Variants in ADGRG4 observed in about 807,000 individuals in gnomAD.
ADGRG4 encodes adhesion G protein-coupled receptor G4.
In ADGRG4, 122 loss-of-function variants were observed where a neutral mutation model predicts 126.2. The observed-to-expected ratio is 0.97, with a 90% CI of 0.83 to 1.12. The LOEUF is 1.12. Among genes scored for constraint, ADGRG4 ranks in the 50% most tolerant of loss-of-function variants. The probability of loss-of-function intolerance (pLI) is 0.00; values close to 1 mark genes in which losing one functional copy is unlikely to be tolerated. For missense variants in ADGRG4, 2,481 were observed against 2,251.8 expected, an observed-to-expected ratio of 1.10 and a Z score of -2.06; for synonymous variants, 943 against 838.7, an observed-to-expected ratio of 1.12 and a Z score of -2.15.
At chrX:136,301,511 T>C (rs1017202997) in intron 1 of ADGRG4, among the ~76,000 whole-genome samples, 3 of 112,117 alleles carry the variant, frequency 2.7e-5, no homozygotes, top group East Asian at 2.8e-4. Context: ...GGGTAGATTG[T>C]AAAAATTTTC....
At chrX:136,330,918 G>C (rs1202334010) in intron 5 of ADGRG4, among the ~76,000 whole-genome samples, 1 of 110,690 alleles carries the variant, frequency 9.0e-6, no homozygotes, top group African/African-American at 3.3e-5. Flanking sequence ...TCTAATAGTA[G>C]GTCTTAATAG....
rs1347481779 is a variant in ADGRG4, at chrX:136,399,206, A to G, written c.8307-642A>G. Among the ~76,000 whole-genome samples, 4 of 111,957 alleles carry G rather than the reference A, an allele frequency of 3.6e-5. No individual in the cohort carries two copies. The East Asian group carries it at 8.4e-4, about 23-fold the overall frequency. On this transcript the variant is annotated intron_variant, in intron 20 of 25. Coordinates refer to ENST00000394143, the MANE Select transcript of ADGRG4 (RefSeq NM_153834.4). ...CTCTTGATCTGTGTCGAAGTTCCAC[A>G]GGTATATACATATGTAAAGATCCAT...
chrX:136,345,896 A>G lies in ADGRG4; in HGVS notation c.2190A>G (p.Lys730=), dbSNP rs757675537. Reference sequence around the variant, plus strand: ...CCAGATATACAACAGCTGTATCCAAATTGACATCACCATGGTTTGCTAATT... The same window carrying G: ...CCAGATATACAACAGCTGTATCCAAGTTGACATCACCATGGTTTGCTAATT... ...TTARYTTAVS[K]LTSPWFANFS... is the part of the protein sequence containing the mutation. The change falls in exon 6 of 26, where the codon AAA becomes AAG. Residue 730 remains lysine, a synonymous_variant. Transcript: ENST00000394143. 9.1e-6 allele frequency: 11 copies of G among 1,210,005 alleles called. No homozygotes were observed. The Admixed American group carries it at 2.4e-4, about 26-fold the overall frequency.
rs759391920 is a variant in ADGRG4, at chrX:136,349,826, A to T, written c.6120A>T (p.Ser2040=). The T allele has an allele frequency of 8.3e-7, 1 of 1,210,526 alleles. No individual in the cohort carries two copies. The highest frequency in any genetic ancestry group is 1.1e-6 in the Non-Finnish European group (1 of 894,864). The change falls in exon 6 of 26, where the codon TCA becomes TCT. Residue 2040 remains serine, a synonymous_variant. Transcript: ENST00000394143. ...CCTCTACAGTAGAGGTGTCAAAATCAACATTTCTGACATCTGACATGATAT... is the reference window on the plus strand; with the variant it reads ...CCTCTACAGTAGAGGTGTCAAAATCTACATTTCTGACATCTGACATGATAT... ...MTSSTVEVSK[S]TFLTSDMISA...
intron 7 of ADGRG4, among the ~76,000 whole-genome samples, chrX:136,351,844 T>A (rs1039420859): frequency 9.0e-6 from 1 of 111,176 alleles, no homozygotes; most frequent in African/African-American, 3.3e-5. Context: ...TTTGCCAAAT[T>A]TTCCTATTTG....
rs368138046 is a variant in ADGRG4 at position 136,356,071 on chromosome X, G to A, written c.6888-55G>A. 5.0e-5 allele frequency: 46 copies of A among 927,143 alleles called. No individual in the cohort carries two copies. The African/African-American group carries it at 7.7e-4, about 15-fold the overall frequency. 76.4% of individuals were successfully genotyped at this position (927,143 alleles called of 1,213,427 possible). A position where few individuals can be genotyped will look rare whatever the true frequency, so the allele number is the denominator to read the frequency against. On this transcript the variant is annotated intron_variant, in intron 8 of 25. Transcript: ENST00000394143. The stretch of plus-strand genomic sequence containing the variant: ...TGCCTTTCTCCTGATCTCATGCCCT[G>A]TATACTTGGTACTATATTTCATTTT...
At chrX:136,380,604 CTCTTCTTCTTCTTCTTCTTCT>C (rs1219064272) in intron 15 of ADGRG4, among the ~76,000 whole-genome samples, 1 of 55,359 alleles carries the variant, frequency 1.8e-5, no homozygotes, top group African/African-American at 7.1e-5. Flanking sequence ...CCTCCTCCTC[CTCTTCTTCTTCTTCTTCTTCT>C]TCTTCTTCTT....
In ADGRG4 at chrX:136,345,185, G is replaced by A. The variant is rs754823086; in HGVS notation, c.1479G>A (p.Leu493=). 2 of 1,209,698 alleles carry A rather than the reference G, an allele frequency of 1.7e-6. No individual in the cohort carries two copies. Among genetic ancestry groups the A allele is most frequent in the Non-Finnish European group, 2.2e-6 (2 of 893,860 alleles). The part of the protein sequence containing the change: ...VFPRNQTAFP[L]ATTDMKIAFT... The stretch of plus-strand genomic sequence containing the variant: ...CTAGAAACCAGACAGCATTTCCATT[G>A]GCAACAACTGATATGAAAATAGCAT... The change falls in exon 6 of 26, where the codon TTG becomes TTA. Residue 493 remains leucine, a synonymous_variant. Transcript: ENST00000394143.
At position 136,372,962 on chromosome X, in the gene ADGRG4, T is replaced by G. The variant is rs751153718; in HGVS notation, c.7674T>G (p.Asn2558Lys). 1.6e-5 allele frequency: 19 copies of G among 1,209,295 alleles called. No homozygotes were observed. Among genetic ancestry groups the G allele is most frequent in the Non-Finnish European group, 2.1e-5 (19 of 894,806 alleles). ...HKMEFSGQIA[N>K]LTVAGLALAV... ...TGGAGTTTTCTGGGCAGATAGCAAA[T>G]CTGACGGTGGCCGGGCTGGCTTTGG... is the stretch of plus-strand genomic sequence containing the variant. The change falls in exon 15 of 26, where the codon AAT becomes AAG. Residue 2558 changes from asparagine (N) to lysine (K), a missense_variant. By Grantham distance (94) the Asn-to-Lys change is moderately conservative. Coordinates refer to ENST00000394143, the MANE Select transcript of ADGRG4 (RefSeq NM_153834.4).
Position 136,308,297 on chromosome X carries a change from A to T in ADGRG4, c.-9-472A>T, listed in dbSNP as rs183936048. ...TTTTTTTTTGGTATTTTTAGTAGAGATGGGGTTTCACCATGTTGGCCAGGC... is the reference window on the plus strand; with the variant it reads ...TTTTTTTTTGGTATTTTTAGTAGAGTTGGGGTTTCACCATGTTGGCCAGGC... On this transcript the variant is annotated intron_variant, in intron 3 of 25. Transcript: ENST00000394143. 5.4e-3 allele frequency among the ~76,000 whole-genome samples: 606 copies of T among 111,452 alleles called. 8 individuals are homozygous for T. In the South Asian group the frequency reaches 0.058, roughly 11 times the overall value.
chrX:136,373,899 A>C (rs999920117), intron 15 of ADGRG4, among the ~76,000 whole-genome samples: 2 of 111,554 alleles, frequency 1.8e-5, no homozygotes, highest in Non-Finnish European at 3.8e-5. Context: ...CAGAAGATCA[A>C]GGATGCAGTG....
At chrX:136,396,728 G>C (rs1383952308) in intron 19 of ADGRG4, among the ~76,000 whole-genome samples, 1 of 108,891 alleles carries the variant, frequency 9.2e-6, no homozygotes, top group Non-Finnish European at 1.9e-5. Flanking sequence ...AAATGTGAAT[G>C]ACTGGAATAC....
At chrX:136,318,617 T>G (rs946659167) in intron 4 of ADGRG4, among the ~76,000 whole-genome samples, 2 of 111,694 alleles carry the variant, frequency 1.8e-5, no homozygotes, top group African/African-American at 6.5e-5. Context: ...GTGAGATTTA[T>G]GATGAGTTTT....
intron 7 of ADGRG4, 95 bp downstream of exon 7, chrX:136,351,636 T>C: frequency 2.8e-6 from 1 of 359,220 alleles, no homozygotes; most frequent in Non-Finnish European, 4.5e-6. Flanking sequence ...TAGGCTTTAC[T>C]TTTTTCTACC....
chrX:136,369,193 A>G (rs754080018), intron 13 of ADGRG4, among the ~76,000 whole-genome samples: 2 of 112,700 alleles, frequency 1.8e-5, no homozygotes, highest in Non-Finnish European at 3.7e-5. Flanking sequence ...ATAATAATAC[A>G]TTGTTGCTTT....
chrX:136,371,077 C>T (rs747480452), intron 13 of ADGRG4, among the ~76,000 whole-genome samples: 2 of 111,671 alleles, frequency 1.8e-5, no homozygotes, highest in South Asian at 7.5e-4. Context: ...AGGGACAAAA[C>T]GATTTCCCTG....
Position 136,304,841 on chromosome X carries a change from A to C in ADGRG4, c.-178-14A>C, listed in dbSNP as rs1387395158. 1.8e-5 allele frequency: 2 copies of C among 112,299 alleles called. No individual in the cohort carries two copies. 9.3% of individuals were successfully genotyped at this position (112,299 alleles called of 1,213,427 possible). On this transcript the variant is annotated splice_polypyrimidine_tract_variant and intron_variant, in intron 2 of 25. Transcript: ENST00000394143. ...CAATATGTTTCTTGGTAATGGCTCC[A>C]CATCTTCTTGTAGGCTGTGTGACCC...
chrX:136,363,030 G>C (rs1436064510), intron 12 of ADGRG4, among the ~76,000 whole-genome samples: 1 of 111,183 alleles, frequency 9.0e-6, no homozygotes, highest in African/African-American at 3.3e-5. Flanking sequence ...CACAGGGGAG[G>C]GTGGATGATG....
chrX:136,319,724 T>TATC (rs1285606703), intron 4 of ADGRG4, among the ~76,000 whole-genome samples: 3 of 109,305 alleles, frequency 2.7e-5, no homozygotes, highest in Non-Finnish European at 3.8e-5. Flanking sequence ...TCTATCTATC[T>TATC]ATCTATCTAT....
Sources: gnomAD v4.1 joint callset for allele counts (sites outside exome capture counted in the v4.1 genomes callset) on GRCh38, gnomAD v4.1.1 for gene constraint, MANE v1.5 for transcripts, NCBI Gene and HGNC (gene_info 2026-07-23, HGNC 2026-07-21) for gene names.